DMD: variants seen among roughly 807,000 people sequenced by gnomAD.
DMD encodes mutant dystrophin.
Under a neutral mutation model 330.1 loss-of-function variants are expected in DMD, and 63 were observed. The ratio of observed to expected loss-of-function variants is 0.19; its 90% confidence interval spans 0.16 to 0.24. The LOEUF (loss-of-function observed/expected upper bound fraction) is 0.24. Among genes scored for constraint, DMD ranks in the 10% least tolerant of loss-of-function variants. The probability of loss-of-function intolerance (pLI) is 1.00; values close to 1 mark genes in which losing one functional copy is unlikely to be tolerated. For synonymous variants in DMD, 1,223 were observed against 959.8 expected, an observed-to-expected ratio of 1.27 and a Z score of -5.07; for missense variants, 3,344 against 2,684.1, an observed-to-expected ratio of 1.25 and a Z score of -5.43.
chrX:32,332,413 A>AGTGTGTGTGTGTGT (rs111973319), intron 41 of DMD, among the ~76,000 whole-genome samples: 3,326 of 95,253 alleles, frequency 0.035, 157 homozygotes, highest in African/African-American at 0.11. Context: ...ATGGATAAAA[A>AGTGTGTGTGTGTGT]GTGTGTGTGT....
intron 41 of DMD, among the ~76,000 whole-genome samples, chrX:32,334,530 C>T (rs2097695937): frequency 9.0e-6 from 1 of 111,373 alleles, no homozygotes; most frequent in African/African-American, 3.3e-5. Flanking sequence ...GTGTAGCAGA[C>T]CATTAAATCT....
At chrX:33,281,159 T>A (rs1052563974) in intron 1 of DMD, among the ~76,000 whole-genome samples, 1 of 111,637 alleles carries the variant, frequency 9.0e-6, no homozygotes, top group Non-Finnish European at 1.9e-5. Context: ...GTTTTGTTAG[T>A]TTTATATGTA....
intron 26 of DMD, among the ~76,000 whole-genome samples, chrX:32,451,973 G>T (rs2098331634): frequency 9.1e-6 from 1 of 110,223 alleles, no homozygotes; most frequent in Admixed American, 9.7e-5. Flanking sequence ...AGACAAATTT[G>T]TTGGAACACT....
At chrX:32,709,343 C>T (rs925949724) in intron 7 of DMD, among the ~76,000 whole-genome samples, 32 of 111,827 alleles carry the variant, frequency 2.9e-4, no homozygotes, top group Non-Finnish European at 1.3e-4. Context: ...TAAGGGATAA[C>T]TTTATAAAAG....
At chrX:32,778,171 G>A (rs984024906) in intron 7 of DMD, among the ~76,000 whole-genome samples, 5 of 107,712 alleles carry the variant, frequency 4.6e-5, no homozygotes, top group Non-Finnish European at 7.7e-5. Context: ...GGTAAGAAGC[G>A]TAGAGGATAA....
At chrX:31,747,978 T>C (rs2087999974) in intron 51 of DMD, among the ~76,000 whole-genome samples, 1 of 111,997 alleles carries the variant, frequency 8.9e-6, no homozygotes, top group Admixed American at 9.5e-5. Flanking sequence ...TGAGCAAAAT[T>C]GCTTATTCTT....
chrX:32,802,507 A>G (rs748931802), intron 7 of DMD, among the ~76,000 whole-genome samples: 8 of 111,515 alleles, frequency 7.2e-5, no homozygotes, highest in African/African-American at 1.6e-4. Context: ...AACTTCCAAT[A>G]CTATGTTGAA....
chrX:31,644,376 T>C (rs953749886), intron 54 of DMD, among the ~76,000 whole-genome samples: 5 of 111,869 alleles, frequency 4.5e-5, no homozygotes, highest in Non-Finnish European at 9.4e-5. Flanking sequence ...AGGAGACTGA[T>C]AGCAAATACA....
At chrX:32,033,310 A>C (rs1278488478) in intron 44 of DMD, among the ~76,000 whole-genome samples, 2 of 111,097 alleles carry the variant, frequency 1.8e-5, no homozygotes, top group Non-Finnish European at 3.8e-5. Flanking sequence ...TCTGCTGTCC[A>C]ACATTCTACC....
At chrX:32,586,508 A>G (rs2054307562) in intron 13 of DMD, among the ~76,000 whole-genome samples, 1 of 109,280 alleles carries the variant, frequency 9.2e-6, no homozygotes, top group South Asian at 3.9e-4. Flanking sequence ...TGCAAATGCT[A>G]TATCTATTCA....
At chrX:32,436,245 T>A (rs766072879) in intron 29 of DMD, among the ~76,000 whole-genome samples, 1 of 111,804 alleles carries the variant, frequency 8.9e-6, no homozygotes, top group African/African-American at 3.3e-5. Flanking sequence ...TCTTTAGAGA[T>A]CTCTTTTATT....
chrX:31,195,880 A>C (rs1245307867), intron 67 of DMD, among the ~76,000 whole-genome samples: 1 of 111,022 alleles, frequency 9.0e-6, no homozygotes, highest in African/African-American at 3.3e-5. Context: ...GGAAGGAAGA[A>C]AGAAAGATTT....
At position 31,753,871 on chromosome X, in the gene DMD, C is replaced by T. The variant is rs140522532; in HGVS notation, c.7542+20089G>A. ...TTTAAAATGTTGCTGATGATGACAT[C>T]GAGTAAAGATTTGAAGTGTTAAGTA... On this transcript the variant is annotated intron_variant, in intron 51 of 78. Coordinates refer to ENST00000357033, the MANE Select transcript of DMD (RefSeq NM_004006.3). Among the ~76,000 whole-genome samples the T allele has an allele frequency of 1.8e-3, 203 of 111,477 alleles. 6 individuals are homozygous for T. The East Asian group carries it at 0.044, about 24-fold the overall frequency.
intron 59 of DMD, among the ~76,000 whole-genome samples, chrX:31,462,107 C>T (rs949448509): frequency 7.1e-5 from 8 of 111,993 alleles, no homozygotes; most frequent in African/African-American, 2.6e-4. Context: ...TTTTGATACA[C>T]ACCAGGATTC....
chrX:31,147,554 GAAAGAA>G lies in DMD; in HGVS notation c.10554-42_10554-37del, dbSNP rs778027438. ...CAAAAAAGTAAAAAAGAAAAAAAAAGAAAGAAAAAGAAAAAGAAGAAAAAAAGTAAT... is the reference window on the plus strand; with the variant it reads ...CAAAAAAGTAAAAAAGAAAAAAAAAGAAAGAAAAAGAAGAAAAAAAGTAAT... On this transcript the variant is annotated intron_variant, in intron 74 of 78. Coordinates refer to ENST00000357033, the MANE Select transcript of DMD (RefSeq NM_004006.3). 6.9e-5 allele frequency: 7 copies of G among 100,893 alleles called. No homozygotes were observed. The Admixed American group carries it at 7.3e-4, about 10-fold the overall frequency. 8.3% of individuals were successfully genotyped at this position (100,893 alleles called of 1,213,427 possible).
At chrX:31,888,100 G>A (rs1048311171) in intron 47 of DMD, among the ~76,000 whole-genome samples, 11 of 111,508 alleles carry the variant, frequency 9.9e-5, no homozygotes, top group Non-Finnish European at 1.7e-4. Context: ...GAAATTTGAT[G>A]TGAGGAATAC....
At chrX:31,948,513 C>T (rs1279362682) in intron 45 of DMD, among the ~76,000 whole-genome samples, 2 of 110,807 alleles carry the variant, frequency 1.8e-5, no homozygotes, top group African/African-American at 6.6e-5. Context: ...CCGATTTCCT[C>T]ACATCCTCAA....
At chrX:32,858,050 G>A (rs970150866) in intron 2 of DMD, among the ~76,000 whole-genome samples, 4 of 109,763 alleles carry the variant, frequency 3.6e-5, no homozygotes, top group Admixed American at 9.7e-5. Context: ...TATTATTTTC[G>A]AAACTCACAG....
chrX:33,149,904 A>G lies in DMD; in HGVS notation c.31+61378T>C, dbSNP rs374314655. Among the ~76,000 whole-genome samples, 3 of 111,836 alleles carry G rather than the reference A, an allele frequency of 2.7e-5. No individual in the cohort carries two copies. The East Asian group carries it at 8.5e-4, about 32-fold the overall frequency. On this transcript the variant is annotated intron_variant, in intron 1 of 78. Transcript: ENST00000357033. ...GCTATAAAAAGTGACTGGTGTTTTAAGCTATTAAGTTTTATAATAAATTGT... is the reference window on the plus strand; with the variant it reads ...GCTATAAAAAGTGACTGGTGTTTTAGGCTATTAAGTTTTATAATAAATTGT...
Sources: gnomAD v4.1 joint callset for allele counts (sites outside exome capture counted in the v4.1 genomes callset) on GRCh38, gnomAD v4.1.1 for gene constraint, MANE v1.5 for transcripts, NCBI Gene and HGNC (gene_info 2026-07-23, HGNC 2026-07-21) for gene names.